Variants in PDE3B observed in about 807,000 individuals in gnomAD.
PDE3B encodes phosphodiesterase 3B.
Under a neutral mutation model 116.8 loss-of-function variants are expected in PDE3B, and 66 were observed. The observed-to-expected ratio is 0.56, with a 90% confidence interval of 0.46 to 0.69. PDE3B has a LOEUF of 0.69. Ranked by LOEUF, PDE3B falls within the 30% of genes least tolerant of loss-of-function variation. The probability of loss-of-function intolerance (pLI) is 0.00; values close to 1 mark genes in which losing one functional copy is unlikely to be tolerated. For missense variants in PDE3B, 1,384 were observed against 1,368.1 expected, an observed-to-expected ratio of 1.01 and a Z score of -0.18; for synonymous variants, 595 against 533.6, an observed-to-expected ratio of 1.12 and a Z score of -1.59.
intron 12 of PDE3B, among the ~76,000 whole-genome samples, chr11:14,852,923 C>T (rs927329988): frequency 5.9e-5 from 9 of 152,000 alleles, no homozygotes; most frequent in Non-Finnish European, 1.5e-5. Flanking sequence ...AGTAAACTCT[C>T]CAATGGCATT....
chr11:14,815,568 T>C (rs1382465323), intron 5 of PDE3B, among the ~76,000 whole-genome samples: 2 of 152,172 alleles, frequency 1.3e-5, no homozygotes, highest in South Asian at 2.1e-4. Flanking sequence ...GGCTGCTTAC[T>C]TCATGGAGCT....
chr11:14,831,080 A>ATTTAGTTTTATATAAAATATATTAT (rs1859869155), intron 8 of PDE3B, among the ~76,000 whole-genome samples: 1 of 151,704 alleles, frequency 6.6e-6, no homozygotes, highest in South Asian at 2.1e-4. Flanking sequence ...AACATATTTT[A>ATTTAGTTTTATATAAAATATATTAT]TTTAGTTTTA....
chr11:14,862,559 T>C (rs919272401), intron 14 of PDE3B, among the ~76,000 whole-genome samples: 21 of 152,126 alleles, frequency 1.4e-4, no homozygotes, highest in Admixed American at 1.1e-3. Flanking sequence ...TTCAAAGATA[T>C]AAGCAGGCTC....
rs545030942 is a variant in PDE3B, at chr11:14,850,352, G to C, written c.2520+6326G>C. On this transcript the variant is annotated intron_variant, in intron 12 of 15. Coordinates refer to ENST00000282096, the MANE Select transcript of PDE3B (RefSeq NM_000922.4). Reference sequence around the variant, plus strand: ...GGGGACTGTTGTAGGGTGGGGGAAGGGGGGAGGGATAGCTTTAGGAGATAT... The same window carrying C: ...GGGGACTGTTGTAGGGTGGGGGAAGCGGGGAGGGATAGCTTTAGGAGATAT... 2.1e-3 allele frequency among the ~76,000 whole-genome samples: 318 copies of C among 152,150 alleles called. 1 individual carries two copies. Among genetic ancestry groups the C allele is most frequent in the African/African-American group, 6.9e-3 (286 of 41,490 alleles).
chr11:14,898,117 C>T, the PDE3B span, among the ~76,000 whole-genome samples: 1 of 151,682 alleles, frequency 6.6e-6, no homozygotes, highest in Admixed American at 6.6e-5. Flanking sequence ...CTTAGAGGGC[C>T]CTCTGGGGAG....
At chr11:14,709,248 C>CGAAGGTAA (rs2133826171) in intron 1 of PDE3B, among the ~76,000 whole-genome samples, 1 of 152,134 alleles carries the variant, frequency 6.6e-6, no homozygotes, top group South Asian at 2.1e-4. Context: ...AGTAGTTACC[C>CGAAGGTAA]ATGTAAATGC....
chr11:14,819,748 A>T (rs66721430), intron 7 of PDE3B, among the ~76,000 whole-genome samples: 8,750 of 152,104 alleles, frequency 0.058, 395 homozygotes, highest in Non-Finnish European at 0.09. Flanking sequence ...TTATTTTTTT[A>T]AAAAAAATCT....
Position 14,821,505 on chromosome 11 carries a change from A to G in PDE3B, c.1807+2296A>G, listed in dbSNP as rs142053037. 9.8e-5 allele frequency among the ~76,000 whole-genome samples: 15 copies of G among 152,330 alleles called. No individual in the cohort carries two copies. The East Asian group carries it at 2.7e-3, about 27-fold the overall frequency. ...GTAAGATAATAGTTATTAGGAGTTC[A>G]TATCATTAAAAAGTAAATTATGTAA... On this transcript the variant is annotated intron_variant, in intron 7 of 15. Transcript: ENST00000282096.
chr11:14,661,988 C>T (rs545805005), intron 1 of PDE3B, among the ~76,000 whole-genome samples: 126 of 152,242 alleles, frequency 8.3e-4, no homozygotes, highest in African/African-American at 2.5e-3. Context: ...GATCTGAGAA[C>T]GGGCAGACTG....
rs187802534 is a variant in PDE3B, at chr11:14,649,518, A to G, written c.978+4465A>G. The stretch of plus-strand genomic sequence containing the variant: ...TCCACTTTTACTTTCCACAAGGAGC[A>G]TATATACTTCCCATCATAGCCTTCC... On this transcript the variant is annotated intron_variant, in intron 1 of 15. Coordinates refer to ENST00000282096, the MANE Select transcript of PDE3B (RefSeq NM_000922.4). 5.3e-5 allele frequency among the ~76,000 whole-genome samples: 8 copies of G among 152,342 alleles called. No homozygotes were observed. In the East Asian group the frequency reaches 7.7e-4, roughly 15 times the overall value.
intron 1 of PDE3B, among the ~76,000 whole-genome samples, chr11:14,755,491 C>T (rs1053192630): frequency 6.6e-6 from 1 of 152,034 alleles, no homozygotes; most frequent in Non-Finnish European, 1.5e-5. Context: ...AAATAACGTG[C>T]CTGTGGACTG....
At chr11:14,660,637 T>C (rs1302776747) in intron 1 of PDE3B, among the ~76,000 whole-genome samples, 1 of 152,126 alleles carries the variant, frequency 6.6e-6, no homozygotes. Flanking sequence ...ATATTCCTTA[T>C]ATTATTCTTT....
intron 5 of PDE3B, among the ~76,000 whole-genome samples, chr11:14,805,317 C>T (rs1047087254): frequency 1.4e-4 from 22 of 152,014 alleles, no homozygotes; most frequent in Admixed American, 1.2e-3. Context: ...CTGTGAACTC[C>T]AAAGACAATG....
Position 14,644,110 on chromosome 11 carries a change from G to C in PDE3B, c.35G>C (p.Arg12Pro), listed in dbSNP as rs746745737. 1.9e-6 allele frequency: 3 copies of C among 1,573,234 alleles called. No homozygotes were observed. The highest frequency in any genetic ancestry group is 2.6e-6 in the Non-Finnish European group (3 of 1,169,390). Residue 12 changes from arginine to proline, a missense_variant, in exon 1 of 16, where the codon CGG (arginine) becomes CCG (proline). Arg to Pro is a moderately radical substitution (Grantham distance 103). Coordinates refer to ENST00000282096, the MANE Select transcript of PDE3B (RefSeq NM_000922.4). ...RRDERDAKAM[R>P]SLQPPDGAGS... Reference sequence around the variant, plus strand: ...GACGAGCGAGACGCCAAAGCCATGCGGTCCCTGCAGCCGCCGGATGGGGCC... The same window carrying C: ...GACGAGCGAGACGCCAAAGCCATGCCGTCCCTGCAGCCGCCGGATGGGGCC...
chr11:14,723,196 A>G (rs182426823), intron 1 of PDE3B, among the ~76,000 whole-genome samples: 2 of 152,284 alleles, frequency 1.3e-5, no homozygotes, highest in East Asian at 3.9e-4. Flanking sequence ...TTTAAAACCA[A>G]ATCACTTTGA....
Position 14,733,081 on chromosome 11 carries a change from A to G in PDE3B, c.979-38856A>G, listed in dbSNP as rs146249900. 2.0e-3 allele frequency among the ~76,000 whole-genome samples: 298 copies of G among 152,334 alleles called. 1 individual carries two copies. Among genetic ancestry groups the G allele is most frequent in the African/African-American group, 6.6e-3 (275 of 41,586 alleles). ...ACCTATTTTTTGAACAGTAGTATGC[A>G]TATTGCTTTACAAAATGACAGTGTA... On this transcript the variant is annotated intron_variant, in intron 1 of 15. Coordinates refer to ENST00000282096, the MANE Select transcript of PDE3B (RefSeq NM_000922.4).
At chr11:14,725,545 C>T in intron 1 of PDE3B, among the ~76,000 whole-genome samples, 1 of 81,040 alleles carries the variant, frequency 1.2e-5, no homozygotes, top group Non-Finnish European at 2.5e-5. Flanking sequence ...CTCCCCTCCC[C>T]TCTCCCTCCT....
chr11:14,654,362 TA>T (rs1853647501), intron 1 of PDE3B, among the ~76,000 whole-genome samples: 1 of 152,302 alleles, frequency 6.6e-6, no homozygotes, highest in Admixed American at 6.5e-5. Context: ...GACTTATTAG[TA>T]GCCACAGTGG....
rs75262027 is a variant in PDE3B at position 14,726,582 on chromosome 11, G to A, written c.979-45355G>A. Among the ~76,000 whole-genome samples, 1,046 of 152,204 alleles carry A rather than the reference G, an allele frequency of 6.9e-3. 34 individuals carry two copies. The East Asian group carries it at 0.11, about 16-fold the overall frequency. On this transcript the variant is annotated intron_variant, in intron 1 of 15. Coordinates refer to ENST00000282096, the MANE Select transcript of PDE3B (RefSeq NM_000922.4). ...AAAGGGACCCAGATTCAAGCCTTTC[G>A]CTGATTTTTCATTTATAAATCAGAT...
Sources: gnomAD v4.1 joint callset for allele counts (sites outside exome capture counted in the v4.1 genomes callset) on GRCh38, gnomAD v4.1.1 for gene constraint, MANE v1.5 for transcripts, NCBI Gene and HGNC (gene_info 2026-07-23, HGNC 2026-07-21) for gene names.